DLGAP2: variants seen among roughly 807,000 people sequenced by gnomAD.
DLGAP2 encodes DLG associated protein 2.
DLGAP2 carries 26 observed loss-of-function variants against 100.3 expected under a neutral mutation model. The observed-to-expected ratio is 0.26, with a 90% CI of 0.19 to 0.36. DLGAP2 has a LOEUF of 0.36. DLGAP2 is among the 10% of genes least tolerant of loss of function. The probability of loss-of-function intolerance (pLI) is 1.00; values close to 1 mark genes in which losing one functional copy is unlikely to be tolerated. For synonymous variants in DLGAP2, 886 were observed against 630.1 expected (o/e 1.41, Z -6.08); for missense variants, 1,858 against 1,453.2 (o/e 1.28, Z -4.53).
At chr8:1,409,069 A>C (rs576285203) in intron 3 of DLGAP2, among the ~76,000 whole-genome samples, 1 of 152,028 alleles carries the variant, frequency 6.6e-6, no homozygotes, top group Non-Finnish European at 1.5e-5. Flanking sequence ...CCCCTTCCTC[A>C]CTGTAGCAGG....
chr8:800,457 C>T (rs892445992), intron 1 of DLGAP2, among the ~76,000 whole-genome samples: 2 of 152,206 alleles, frequency 1.3e-5, no homozygotes, highest in African/African-American at 4.8e-5. Context: ...CCCTGGCTCT[C>T]ATGGCGGAGC....
chr8:1,336,469 C>T (rs1585272183), intron 3 of DLGAP2, among the ~76,000 whole-genome samples: 1 of 152,202 alleles, frequency 6.6e-6, no homozygotes, highest in Non-Finnish European at 1.5e-5. Context: ...TCTTTACAGA[C>T]GTCCGTTATG....
chr8:794,982 A>G (rs1795994188), intron 1 of DLGAP2, among the ~76,000 whole-genome samples: 1 of 152,164 alleles, frequency 6.6e-6, no homozygotes, highest in Non-Finnish European at 1.5e-5. Flanking sequence ...ACCTTACCTG[A>G]TAGGGACTTC....
intron 3 of DLGAP2, among the ~76,000 whole-genome samples, chr8:1,299,497 G>T (rs1199820075): frequency 6.6e-6 from 1 of 152,186 alleles, no homozygotes; most frequent in African/African-American, 2.4e-5. Flanking sequence ...GGTTGCATGA[G>T]GTGAGCATAA....
At chr8:1,408,775 T>A (rs975457862) in intron 3 of DLGAP2, among the ~76,000 whole-genome samples, 1 of 152,098 alleles carries the variant, frequency 6.6e-6, no homozygotes, top group Non-Finnish European at 1.5e-5. Context: ...GTGGCAGCTC[T>A]ACCACCAAGA....
chr8:1,259,265 G>A (rs1335436828), intron 3 of DLGAP2, among the ~76,000 whole-genome samples: 1 of 152,192 alleles, frequency 6.6e-6, no homozygotes, highest in Non-Finnish European at 1.5e-5. Context: ...AGCCCTTCCC[G>A]ACTGTCGGTG....
chr8:1,535,339 C>T lies in DLGAP2; in HGVS notation c.173-13287C>T, dbSNP rs139993168. Reference sequence around the variant, plus strand: ...CTGCCCTCAGTGTCTGGATTTCACACGCCCTGAGAAAGAGGATGTGATTTA... The same window carrying T: ...CTGCCCTCAGTGTCTGGATTTCACATGCCCTGAGAAAGAGGATGTGATTTA... On this transcript the variant is annotated intron_variant, in intron 4 of 14. Coordinates refer to ENST00000637795, the MANE Select transcript of DLGAP2 (RefSeq NM_001346810.2). Among the ~76,000 whole-genome samples, 66 of 152,320 alleles carry T rather than the reference C, an allele frequency of 4.3e-4. No homozygotes were observed. In the East Asian group the frequency reaches 0.011, roughly 25 times the overall value.
chr8:1,222,932 C>G (rs1319723704), intron 2 of DLGAP2, among the ~76,000 whole-genome samples: 1 of 152,168 alleles, frequency 6.6e-6, no homozygotes, highest in Non-Finnish European at 1.5e-5. Context: ...CTAACAAAGC[C>G]TAAAGCCACC....
At chr8:1,278,617 A>G (rs1156595776) in intron 3 of DLGAP2, among the ~76,000 whole-genome samples, 2 of 152,236 alleles carry the variant, frequency 1.3e-5, no homozygotes, top group African/African-American at 2.4e-5. Flanking sequence ...CCAAGGACAT[A>G]TTGCAGAAAA....
chr8:1,234,762 C>T (rs1455700438), intron 2 of DLGAP2, among the ~76,000 whole-genome samples: 1 of 152,216 alleles, frequency 6.6e-6, no homozygotes, highest in African/African-American at 2.4e-5. Flanking sequence ...TGGTTAGGAT[C>T]AAGCTGCCTC....
intron 4 of DLGAP2, among the ~76,000 whole-genome samples, chr8:1,546,690 T>C (rs1801550081): frequency 6.6e-6 from 1 of 152,158 alleles, no homozygotes; most frequent in South Asian, 2.1e-4. Flanking sequence ...CTGGCATCCA[T>C]GTTGCTCAGG....
rs542454756 is a variant in DLGAP2, at chr8:1,553,758, T to A, written c.1230+4075T>A. On this transcript the variant is annotated intron_variant, in intron 5 of 14. Transcript: ENST00000637795. Reference sequence around the variant, plus strand: ...GGGTCCCATCACCGAGTTCTGAGCTTTCCTTGCAGCCATTCTCTGAACGAC... The same window carrying A: ...GGGTCCCATCACCGAGTTCTGAGCTATCCTTGCAGCCATTCTCTGAACGAC... Among the ~76,000 whole-genome samples, 14 of 152,270 alleles carry A rather than the reference T, an allele frequency of 9.2e-5. No homozygotes were observed. In the East Asian group the frequency reaches 2.7e-3, roughly 29 times the overall value.
chr8:1,303,259 T>A (rs1273699774), intron 3 of DLGAP2, among the ~76,000 whole-genome samples: 1 of 151,714 alleles, frequency 6.6e-6, no homozygotes, highest in South Asian at 2.1e-4. Flanking sequence ...TAGCCGGGCG[T>A]GGTGGCGGGC....
intron 2 of DLGAP2, among the ~76,000 whole-genome samples, chr8:966,469 T>G (rs745825002): frequency 6.6e-6 from 1 of 152,258 alleles, no homozygotes; most frequent in Admixed American, 6.5e-5. Flanking sequence ...TTTCTGTAGT[T>G]GAGTTAGTAA....
rs73534149 is a variant in DLGAP2, at chr8:871,739, C to T, written c.19-36173C>T. 8.8e-3 allele frequency among the ~76,000 whole-genome samples: 1,340 copies of T among 152,172 alleles called. 29 individuals carry two copies. The highest frequency in any genetic ancestry group is 0.031 in the African/African-American group (1,283 of 41,524). On this transcript the variant is annotated intron_variant, in intron 1 of 14. Coordinates refer to ENST00000637795, the MANE Select transcript of DLGAP2 (RefSeq NM_001346810.2). ...CCAATTTGAAGTACTTCTGGTCCCA[C>T]GCATTTTGGGTAAGGGACACTCAGC... is the stretch of plus-strand genomic sequence containing the variant.
intron 2 of DLGAP2, among the ~76,000 whole-genome samples, chr8:1,082,149 G>T (rs1803832107): frequency 6.6e-6 from 1 of 152,094 alleles, no homozygotes; most frequent in East Asian, 1.9e-4. Context: ...ACACCTTCCT[G>T]TTACCTAAAG....
At chr8:1,013,652 C>T (rs1801367243) in intron 2 of DLGAP2, among the ~76,000 whole-genome samples, 1 of 135,586 alleles carries the variant, frequency 7.4e-6, no homozygotes, top group African/African-American at 3.3e-5. Flanking sequence ...TGTGTGTGAC[C>T]AGGACAGACG....
At chr8:1,537,068 GTGGTAT>G in intron 4 of DLGAP2, among the ~76,000 whole-genome samples, 1 of 32,946 alleles carries the variant, frequency 3.0e-5, no homozygotes, top group Non-Finnish European at 5.6e-5. Context: ...CCACTGGTAT[GTGGTAT>G]GTGGTATGTG....
intron 3 of DLGAP2, among the ~76,000 whole-genome samples, chr8:1,469,427 C>T (rs1341210226): frequency 6.6e-6 from 1 of 152,196 alleles, no homozygotes; most frequent in African/African-American, 2.4e-5. Flanking sequence ...ATGTGGCCAC[C>T]AAGGGCAGCA....
Sources: allele counts gnomAD v4.1 joint callset (sites outside exome capture counted in the v4.1 genomes callset), GRCh38; gene constraint gnomAD v4.1.1; transcripts MANE v1.5; gene names NCBI Gene and HGNC (gene_info 2026-07-23, HGNC 2026-07-21).